The following COMMD8 variants were observed in gnomAD, a reference collection of about 807,000 sequenced individuals.
The protein encoded by COMMD8 is COMM domain containing 8, also known as COMM domain-containing protein 8.
A neutral mutation model predicts 27.2 loss-of-function variants in COMMD8; 28 were observed. The ratio of observed to expected loss-of-function variants is 1.03; its 90% CI spans 0.76 to 1.41. The LOEUF (loss-of-function observed/expected upper bound fraction) is 1.41, where lower values mean the gene tolerates loss of function less well. Ranked by LOEUF, COMMD8 falls within the 40% of genes most tolerant of loss-of-function variation. The pLI is 0.00. For missense variants in COMMD8, 217 were observed against 211.2 expected (o/e 1.03, Z -0.17); for synonymous variants, 79 against 75.5 (o/e 1.05, Z -0.24).
chr4:47,462,276 G>T (rs1260427959), intron 1 of COMMD8, among the ~76,000 whole-genome samples: 2 of 152,140 alleles, frequency 1.3e-5, no homozygotes, highest in African/African-American at 4.8e-5. Context: ...GGCTTAAATT[G>T]TTGAGGACAC....
At chr4:47,459,520 T>C (rs1468615171) in intron 2 of COMMD8, among the ~76,000 whole-genome samples, 1 of 152,136 alleles carries the variant, frequency 6.6e-6, no homozygotes, top group African/African-American at 2.4e-5. Context: ...TATTCATTAG[T>C]CAGTAGGGAG....
At chr4:47,452,437 T>G (rs1729775259) in intron 4 of COMMD8, among the ~76,000 whole-genome samples, 1 of 152,172 alleles carries the variant, frequency 6.6e-6, no homozygotes, top group African/African-American at 2.4e-5. Context: ...AGAATCAATT[T>G]TATTATTCTA....
In COMMD8 at chr4:47,456,610, A is replaced by C; in HGVS notation, c.342T>G (p.Ser114=). The C allele has an allele frequency of 1.2e-6, 2 of 1,609,638 alleles. No homozygotes were observed. Among genetic ancestry groups the C allele is most frequent in the Non-Finnish European group, 1.7e-6 (2 of 1,178,428 alleles). ...GCCAATCAAAATCCTGTAGCTGTGC[A>C]GAGGAAATAGCAACTATTTCTCTTG... ...ALSREIVAIS[S]AQLQDFDWQV... Residue 114 remains serine, a synonymous_variant, in exon 3 of 5, where the codon TCT becomes TCG. Transcript: ENST00000381571.
At chr4:47,452,047 T>C (rs1207858528) in intron 4 of COMMD8, among the ~76,000 whole-genome samples, 1 of 152,186 alleles carries the variant, frequency 6.6e-6, no homozygotes, top group South Asian at 2.1e-4. Context: ...AGTAGGGCAA[T>C]AGAGGTTGTA....
chr4:47,463,160 TACCAACC>T (rs1730105630), intron 1 of COMMD8, among the ~76,000 whole-genome samples: 1 of 99,678 alleles, frequency 1.0e-5, no homozygotes, highest in South Asian at 4.0e-4. Context: ...TTTCTCTTCC[TACCAACC>T]ACCCTCAAGG....
At chr4:47,452,071 C>T (rs977432379) in intron 4 of COMMD8, among the ~76,000 whole-genome samples, 9 of 152,210 alleles carry the variant, frequency 5.9e-5, no homozygotes, top group Admixed American at 1.3e-4. Flanking sequence ...ATCACTGAGA[C>T]TTAATCACTG....
At chr4:47,463,047 T>G (rs1317644486) in intron 1 of COMMD8, among the ~76,000 whole-genome samples, 1 of 152,208 alleles carries the variant, frequency 6.6e-6, no homozygotes, top group Admixed American at 6.5e-5. Context: ...ATGAATGTGG[T>G]TGCTTTTTCC....
At chr4:47,463,549 C>T (rs774453439) in intron 1 of COMMD8, 37 bp downstream of exon 1, 1 of 1,533,034 alleles carries the variant, frequency 6.5e-7, no homozygotes, top group East Asian at 2.5e-5. Context: ...TCGCGAATCC[C>T]AGGCCCCGCG....
intron 3 of COMMD8, among the ~76,000 whole-genome samples, chr4:47,454,574 A>G (rs1729836398): frequency 6.6e-6 from 1 of 152,170 alleles, no homozygotes; most frequent in Non-Finnish European, 1.5e-5. Flanking sequence ...TGCTTGAAGA[A>G]CTGCAATTCT....
chr4:47,452,855 G>C (rs1054014551), intron 4 of COMMD8, among the ~76,000 whole-genome samples: 1 of 152,118 alleles, frequency 6.6e-6, no homozygotes, highest in African/African-American at 2.4e-5. Context: ...AATTAGCCAG[G>C]CCTGGTGGCA....
intron 1 of COMMD8, among the ~76,000 whole-genome samples, chr4:47,462,497 G>A (rs145006708): frequency 1.3e-5 from 2 of 152,234 alleles, no homozygotes; most frequent in East Asian, 3.9e-4. Context: ...TGACACTCAG[G>A]GAAGAGATTT....
At chr4:47,458,817 T>C (rs936435576) in intron 2 of COMMD8, among the ~76,000 whole-genome samples, 3 of 152,058 alleles carry the variant, frequency 2.0e-5, no homozygotes, top group Admixed American at 1.3e-4. Context: ...TTGGCAAATA[T>C]ACAAAAGTAG....
At chr4:47,454,541 C>A (rs1312809231) in intron 3 of COMMD8, among the ~76,000 whole-genome samples, 1 of 152,106 alleles carries the variant, frequency 6.6e-6, no homozygotes, top group East Asian at 1.9e-4. Context: ...TCACTGGAAA[C>A]AGAATGTACT....
intron 3 of COMMD8, among the ~76,000 whole-genome samples, chr4:47,456,243 G>C (rs1729880726): frequency 7.5e-6 from 1 of 133,684 alleles, no homozygotes; most frequent in Non-Finnish European, 1.6e-5. Flanking sequence ...CACGACTCTT[G>C]TCTCAAAAAA....
At chr4:47,454,540 A>G (rs2109353938) in intron 3 of COMMD8, among the ~76,000 whole-genome samples, 1 of 152,280 alleles carries the variant, frequency 6.6e-6, no homozygotes, top group Middle Eastern at 3.4e-3. Context: ...ATCACTGGAA[A>G]CAGAATGTAC....
intron 1 of COMMD8, among the ~76,000 whole-genome samples, chr4:47,461,984 C>A (rs564064176): frequency 1.3e-5 from 2 of 151,950 alleles, no homozygotes; most frequent in East Asian, 3.9e-4. Context: ...GTTGGCCAAG[C>A]AAAACAGGAG....
chr4:47,459,979 A>C (rs1560391289), intron 2 of COMMD8, 165 bp downstream of exon 2: 1 of 515,812 alleles, frequency 1.9e-6, no homozygotes, highest in Non-Finnish European at 3.2e-6. Flanking sequence ...AACAACCAAA[A>C]ACAAAACTGC....
At chr4:47,455,876 T>A (rs1421874855) in intron 3 of COMMD8, among the ~76,000 whole-genome samples, 1 of 152,206 alleles carries the variant, frequency 6.6e-6, no homozygotes, top group Admixed American at 6.5e-5. Context: ...AATAATATCT[T>A]ATAGATTTTC....
chr4:47,461,545 G>A (rs1328528102), intron 1 of COMMD8, among the ~76,000 whole-genome samples: 3 of 151,262 alleles, frequency 2.0e-5, no homozygotes, highest in African/African-American at 7.3e-5. Flanking sequence ...AACTCAAACT[G>A]AAAAATAAAA....
Sources: allele counts gnomAD v4.1 joint callset (sites outside exome capture counted in the v4.1 genomes callset), GRCh38; gene constraint gnomAD v4.1.1; transcripts MANE v1.5; gene names NCBI Gene and HGNC (gene_info 2026-07-23, HGNC 2026-07-21).